The following OTOP2 variants were observed in gnomAD, a reference collection of about 807,000 sequenced individuals.
The protein encoded by OTOP2 is otopetrin 2.
OTOP2 carries 41 observed loss-of-function variants against 47.4 expected under a neutral mutation model. That is an observed-to-expected ratio of 0.87 (90% confidence interval 0.67 to 1.12). The LOEUF is 1.12. Among genes scored for constraint, OTOP2 ranks in the 50% most tolerant of loss-of-function variants. The pLI, the probability that OTOP2 is intolerant of heterozygous loss-of-function variation, is 0.00. For synonymous variants in OTOP2, 328 were observed against 319.6 expected (o/e 1.03, Z -0.28); for missense variants, 721 against 752.2 (o/e 0.96, Z 0.49).
chr17:74,931,953 C>CAAAAAAA (rs5822060), intron 6 of OTOP2, among the ~76,000 whole-genome samples: 7 of 84,068 alleles, frequency 8.3e-5, no homozygotes, highest in South Asian at 4.3e-4. Flanking sequence ...GACACTCTGT[C>CAAAAAAA]AAAAAAAAAA....
rs536213022 is a variant in OTOP2, at chr17:74,933,395, C to T, written c.1539C>T (p.Phe513=). Residue 513 remains phenylalanine (F), a synonymous_variant, in exon 7 of 7, where the codon TTC becomes TTT. Transcript: ENST00000331427. This position sits in a 1 kb window ranked among gnomAD's most constrained non-coding sequence, Gnocchi z 4.7. ...CNVILWIMPA[F]GARPHFSNTV... Reference sequence around the variant, plus strand: ...CACAGCTGTGGATCATGCCTGCCTTCGGGGCCCGCCCTCATTTCAGCAACA... The same window carrying T: ...CACAGCTGTGGATCATGCCTGCCTTTGGGGCCCGCCCTCATTTCAGCAACA... 1.2e-5 allele frequency: 19 copies of T among 1,610,758 alleles called. No homozygotes were observed. Among genetic ancestry groups the T allele is most frequent in the Admixed American group, 6.7e-5 (4 of 59,944 alleles).
chr17:74,924,722 G>A lies in OTOP2; in HGVS notation c.90G>A (p.Leu30=), dbSNP rs1407412942. The change falls in exon 2 of 7, where the codon CTG becomes CTA. Residue 30 remains leucine (L), a synonymous_variant. Coordinates refer to ENST00000331427, the MANE Select transcript of OTOP2 (RefSeq NM_178160.3). The surrounding 1 kb of genome is among the most constrained non-coding windows in gnomAD (Gnocchi z 7.7). ...AGGTGTGGAAGAAGGGTGGCCGCCT[G>A]CTGTCGGTGCTGCTGGCGGTGAACG... ...PREVWKKGGR[L]LSVLLAVNVL... The A allele has an allele frequency of 6.2e-7, 1 of 1,607,256 alleles. No homozygotes were observed. Among genetic ancestry groups the A allele is most frequent in the Non-Finnish European group, 8.5e-7 (1 of 1,177,586 alleles).
Position 74,931,163 on chromosome 17 carries a change from T to TG in OTOP2, c.1518+16dup, listed in dbSNP as rs763979260. The stretch of plus-strand genomic sequence containing the variant: ...ACTCTGCAATGTCATTGTGAGTAGC[T>TG]GGGGGGAGAAAGGGTGGGCTTGGGA... On this transcript the variant is annotated intron_variant, in intron 6 of 6. Transcript: ENST00000331427. 1.3e-6 allele frequency: 2 copies of TG among 1,569,764 alleles called. No individual in the cohort carries two copies. The highest frequency in any genetic ancestry group is 1.7e-6 in the Non-Finnish European group (2 of 1,155,346).
chr17:74,927,511 G>A, intron 4 of OTOP2, 154 bp from the exon 5 acceptor site: 2 of 1,167,000 alleles, frequency 1.7e-6, no homozygotes, highest in Non-Finnish European at 1.2e-6. Context: ...CTCTTTGGTG[G>A]CATACCAGCC....
rs2039051549 is a variant in OTOP2, at chr17:74,930,907, C to T, written c.1272C>T (p.Ser424=). 6.2e-7 allele frequency: 1 copy of T among 1,614,060 alleles called. No homozygotes were observed. Residue 424 remains serine (S), a synonymous_variant, in exon 6 of 7, where the codon AGC becomes AGT. Transcript: ENST00000331427. The surrounding 1 kb of genome is among the most constrained non-coding windows in gnomAD (Gnocchi z 4.0). The part of the protein sequence containing the change: ...HTFQNMFIIE[S]LHRGPPGAEP... ...TCCAGAACATGTTTATCATCGAGAG[C>T]CTTCACCGAGGACCGCCCGGGGCTG...
At position 74,931,182 on chromosome 17, in the gene OTOP2, C is replaced by T. The variant is rs1248575316; in HGVS notation, c.1518+29C>T. 4 of 1,554,918 alleles carry T rather than the reference C, an allele frequency of 2.6e-6. No individual in the cohort carries two copies. The South Asian group carries it at 3.7e-5, about 14-fold the overall frequency. On this transcript the variant is annotated intron_variant, in intron 6 of 6. Coordinates refer to ENST00000331427, the MANE Select transcript of OTOP2 (RefSeq NM_178160.3). ...AGTAGCTGGGGGGAGAAAGGGTGGG[C>T]TTGGGAGAAGAGACTGAGGAAGGAT...
In OTOP2 at chr17:74,930,703, C is replaced by T. The variant is rs555784182; in HGVS notation, c.1068C>T (p.Ala356=). 6.2e-7 allele frequency: 1 copy of T among 1,613,968 alleles called. No homozygotes were observed. Among genetic ancestry groups the T allele is most frequent in the Non-Finnish European group, 8.5e-7 (1 of 1,180,030 alleles). ...TCATCTACCGTTTTGACCGCCGGGC[C>T]ATGGACCACCATAAGAACCCCACGC... The part of the protein sequence containing the change: ...GSIIYRFDRR[A]MDHHKNPTRT... Residue 356 remains alanine, a synonymous_variant, in exon 6 of 7, where the codon GCC becomes GCT. Transcript: ENST00000331427. The surrounding 1 kb of genome is among the most constrained non-coding windows in gnomAD (Gnocchi z 4.0).
At chr17:74,927,134 C>T (rs896293628) in intron 3 of OTOP2, 89 bp from the exon 4 acceptor site, 28 of 1,205,974 alleles carry the variant, frequency 2.3e-5, no homozygotes, top group East Asian at 7.0e-5. Flanking sequence ...GTTCCTCAGG[C>T]GGAGAGAACA....
In OTOP2 at chr17:74,924,894, C is replaced by A. The variant is rs2038991428; in HGVS notation, c.262C>A (p.Pro88Thr). The A allele has an allele frequency of 6.3e-7, 1 of 1,595,800 alleles. No homozygotes were observed. Among genetic ancestry groups the A allele is most frequent in the South Asian group, 1.1e-5 (1 of 88,280 alleles). The change falls in exon 2 of 7, where the codon CCC becomes ACC. Residue 88 changes from proline (P) to threonine (T), a missense_variant. Coordinates refer to ENST00000331427, the MANE Select transcript of OTOP2 (RefSeq NM_178160.3). The surrounding 1 kb of genome is among the most constrained non-coding windows in gnomAD (Gnocchi z 7.7). ...CTACCTCCTCCGAACCGTGCGCTGC[C>A]CCTGCGCGGTACCCTACCGGGACGC... ...LFYLLRTVRC[P>T]CAVPYRDAHA...
chr17:74,925,518 T>C (rs779013400), intron 2 of OTOP2, 38 bp from the exon 3 acceptor site: 5 of 1,606,996 alleles, frequency 3.1e-6, no homozygotes, highest in Admixed American at 1.7e-5. Flanking sequence ...CCTGCCTCTT[T>C]GATCCACCAC....
chr17:74,931,084 C>T lies in OTOP2; in HGVS notation c.1449C>T (p.Thr483=). The change falls in exon 6 of 7, where the codon ACC becomes ACT. Residue 483 remains threonine, a synonymous_variant. Coordinates refer to ENST00000331427, the MANE Select transcript of OTOP2 (RefSeq NM_178160.3). ...GGGAAGCAGTGGCCATCGTCTCAAC[C>T]CCCAGAAGCCAGTGGAGACGCCAGT... ...DQREAVAIVS[T]PRSQWRRQCL... 2 of 1,614,008 alleles carry T rather than the reference C, an allele frequency of 1.2e-6. No individual in the cohort carries two copies. Among genetic ancestry groups the T allele is most frequent in the South Asian group, 1.1e-5 (1 of 91,042 alleles).
In OTOP2 at chr17:74,930,768, G is replaced by A. The variant is rs140841034; in HGVS notation, c.1133G>A (p.Gly378Asp). 1.4e-4 allele frequency: 224 copies of A among 1,614,004 alleles called. No individual in the cohort carries two copies. The highest frequency in any genetic ancestry group is 1.6e-4 in the Middle Eastern group (1 of 6,084). The change falls in exon 6 of 7, where the codon GGT becomes GAT. Residue 378 changes from glycine to aspartate, a missense_variant. By Grantham distance (94) the Gly-to-Asp change is moderately conservative. Transcript: ENST00000331427. The surrounding 1 kb of genome is among the most constrained non-coding windows in gnomAD (Gnocchi z 4.0). ...DVALLMGAAL[G>D]QYAISYYSIV... ...GCCCTGCTGATGGGTGCCGCCCTGG[G>A]TCAGTACGCCATCTCTTACTACTCC... is the stretch of plus-strand genomic sequence containing the variant.
chr17:74,927,143 C>A, intron 3 of OTOP2, 80 bp from the exon 4 acceptor site: 3 of 1,306,124 alleles, frequency 2.3e-6, no homozygotes, highest in Non-Finnish European at 3.3e-6. Flanking sequence ...GCGGAGAGAA[C>A]AAGATGGCAT....
At position 74,931,040 on chromosome 17, in the gene OTOP2, C is replaced by T. The variant is rs2039053734; in HGVS notation, c.1405C>T (p.Pro469Ser). 6.2e-7 allele frequency: 1 copy of T among 1,614,034 alleles called. No homozygotes were observed. Among genetic ancestry groups the T allele is most frequent in the Non-Finnish European group, 8.5e-7 (1 of 1,180,012 alleles). Residue 469 changes from proline to serine, a missense_variant, in exon 6 of 7, where the codon CCC becomes TCC. Coordinates refer to ENST00000331427, the MANE Select transcript of OTOP2 (RefSeq NM_178160.3). ...CCCACCCAACCCCGGGCTGGTTAGC[C>T]CCAGCCCTTCAGACCAGCGGGAAGC... ...ACPPNPGLVS[P>S]SPSDQREAVA...
intron 4 of OTOP2, 136 bp from the exon 5 acceptor site, chr17:74,927,529 G>T (rs987605422): frequency 1.5e-6 from 2 of 1,306,156 alleles, no homozygotes; most frequent in Admixed American, 4.5e-5. Flanking sequence ...GCCAGGCTGT[G>T]TTCCTACCAA....
chr17:74,928,866 G>A (rs1400385704), intron 5 of OTOP2, among the ~76,000 whole-genome samples: 3 of 152,178 alleles, frequency 2.0e-5, no homozygotes, highest in African/African-American at 7.2e-5. Flanking sequence ...CATGGCCCCT[G>A]CCCTCAGGGA....
At position 74,933,429 on chromosome 17, in the gene OTOP2, G is replaced by T. The variant is rs1196414456; in HGVS notation, c.1573G>T (p.Val525Leu). The T allele has an allele frequency of 6.2e-7, 1 of 1,614,038 alleles. No homozygotes were observed. The highest frequency in any genetic ancestry group is 1.3e-5 in the African/African-American group (1 of 74,944). Residue 525 changes from valine to leucine, a missense_variant, in exon 7 of 7, where the codon GTG (valine) becomes TTG (leucine). Physicochemically the swap from Val to Leu is conservative, Grantham distance 32. Coordinates refer to ENST00000331427, the MANE Select transcript of OTOP2 (RefSeq NM_178160.3). The surrounding 1 kb of genome is among the most constrained non-coding windows in gnomAD (Gnocchi z 4.7). Reference protein sequence around the residue: ...ARPHFSNTVEVDFYGYSLWAV... With the variant: ...ARPHFSNTVELDFYGYSLWAV... ...CCCTCATTTCAGCAACACAGTGGAG[G>T]TGGATTTCTACGGCTACTCCCTCTG...
At chr17:74,926,654 G>A (rs1027421862) in intron 3 of OTOP2, among the ~76,000 whole-genome samples, 3 of 151,978 alleles carry the variant, frequency 2.0e-5, no homozygotes, top group East Asian at 1.9e-4. Flanking sequence ...TACATGTGAC[G>A]TTTTGCAAAC....
At chr17:74,932,978 C>T (rs1446215929) in intron 6 of OTOP2, among the ~76,000 whole-genome samples, 1 of 152,038 alleles carries the variant, frequency 6.6e-6, no homozygotes, top group Non-Finnish European at 1.5e-5. Context: ...TGCCTTGAGC[C>T]TATCTGATTC....
Sources: gnomAD v4.1 joint callset for allele counts (sites outside exome capture counted in the v4.1 genomes callset) on GRCh38, gnomAD v4.1.1 for gene constraint, Gnocchi (gnomAD v3.1) non-coding constraint, MANE v1.5 for transcripts, NCBI Gene and HGNC (gene_info 2026-07-23, HGNC 2026-07-21) for gene names.